Variants in CSMD1 observed in about 807,000 individuals in gnomAD.
CSMD1 encodes CUB and sushi domain-containing protein 1.
In CSMD1, 213 loss-of-function variants were observed where a neutral mutation model predicts 417.5. That is an observed-to-expected ratio of 0.51 (90% CI 0.46 to 0.57). CSMD1 has a LOEUF of 0.57. Ranked by LOEUF, CSMD1 falls within the 20% of genes least tolerant of loss-of-function variation. The pLI is 0.00. For synonymous variants in CSMD1, 2,862 were observed against 1,736.8 expected, an observed-to-expected ratio of 1.65 and a Z score of -16.11; for missense variants, 6,923 against 4,529.7, an observed-to-expected ratio of 1.53 and a Z score of -15.17.
chr8:3,105,212 C>A (rs1490059837), intron 46 of CSMD1, among the ~76,000 whole-genome samples: 2 of 152,198 alleles, frequency 1.3e-5, no homozygotes, highest in Admixed American at 1.3e-4. Context: ...TCTGTGTGCA[C>A]AGTGCAGGGA....
chr8:4,742,233 T>C (rs1810661776), intron 1 of CSMD1, among the ~76,000 whole-genome samples: 1 of 151,152 alleles, frequency 6.6e-6, no homozygotes. Context: ...GGTTTCACCT[T>C]GTTAGCCAGG....
intron 5 of CSMD1, among the ~76,000 whole-genome samples, chr8:3,798,942 A>G (rs1158918634): frequency 6.6e-6 from 1 of 152,064 alleles, no homozygotes; most frequent in African/African-American, 2.4e-5. Flanking sequence ...TCATATATAT[A>G]AAAACTCTTT....
chr8:3,529,957 C>A (rs1228829446), intron 10 of CSMD1, among the ~76,000 whole-genome samples: 1 of 152,212 alleles, frequency 6.6e-6, no homozygotes, highest in Middle Eastern at 3.4e-3. Context: ...AATAAATTTG[C>A]CCACGAAATG....
intron 3 of CSMD1, among the ~76,000 whole-genome samples, chr8:4,146,746 G>C (rs1045031915): frequency 2.0e-5 from 3 of 149,100 alleles, no homozygotes; most frequent in Non-Finnish European, 2.9e-5. Flanking sequence ...AGAGGAGCTG[G>C]GACTACAGGC....
rs149509652 is a variant in CSMD1 at position 3,324,406 on chromosome 8, C to G, written c.3632-15903G>C. Among the ~76,000 whole-genome samples the G allele has an allele frequency of 5.7e-3, 844 of 148,636 alleles. 6 individuals are homozygous for G. The highest frequency in any genetic ancestry group is 9.6e-3 in the Non-Finnish European group (649 of 67,466). On this transcript the variant is annotated intron_variant, in intron 23 of 69. Coordinates refer to ENST00000635120, the MANE Select transcript of CSMD1 (RefSeq NM_033225.6). Reference sequence around the variant, plus strand: ...GCGTTTCCTTCCCCCTACCTTTGGTCACTGTTAAAATAGGCCCACACCTAA... The same window carrying G: ...GCGTTTCCTTCCCCCTACCTTTGGTGACTGTTAAAATAGGCCCACACCTAA...
At chr8:3,919,037 A>T (rs974004524) in intron 5 of CSMD1, among the ~76,000 whole-genome samples, 3 of 152,026 alleles carry the variant, frequency 2.0e-5, no homozygotes, top group South Asian at 2.1e-4. Context: ...AAATATTTTT[A>T]AAAAATATGT....
rs75550024 is a variant in CSMD1, at chr8:2,984,012, T to C, written c.8378-5212A>G. Among the ~76,000 whole-genome samples, 652 of 152,334 alleles carry C rather than the reference T, an allele frequency of 4.3e-3. 1 individual carries two copies. The highest frequency in any genetic ancestry group is 7.3e-3 in the Non-Finnish European group (499 of 68,020). Reference sequence around the variant, plus strand: ...TGTTACAGTATGAACTGGTAACTCCTGTTCCCTGAGCAAATAGAAAACTGT... The same window carrying C: ...TGTTACAGTATGAACTGGTAACTCCCGTTCCCTGAGCAAATAGAAAACTGT... On this transcript the variant is annotated intron_variant, in intron 54 of 69. Coordinates refer to ENST00000635120, the MANE Select transcript of CSMD1 (RefSeq NM_033225.6).
chr8:3,848,301 C>T (rs1390578369), intron 5 of CSMD1, among the ~76,000 whole-genome samples: 5 of 152,094 alleles, frequency 3.3e-5, no homozygotes, highest in African/African-American at 1.2e-4. Context: ...CTACTGCGAT[C>T]CCACTAACAA....
At chr8:4,063,011 C>G (rs1485555914) in intron 3 of CSMD1, among the ~76,000 whole-genome samples, 1 of 151,930 alleles carries the variant, frequency 6.6e-6, no homozygotes, top group East Asian at 1.9e-4. Flanking sequence ...TTAAGAGATA[C>G]TGTTAGTTAC....
intron 3 of CSMD1, among the ~76,000 whole-genome samples, chr8:4,385,307 G>A (rs1046444068): frequency 2.6e-5 from 4 of 152,206 alleles, no homozygotes; most frequent in Non-Finnish European, 5.9e-5. Context: ...GTTAAACAAT[G>A]ATGTAGTCTG....
chr8:4,453,216 GACACAC>G lies in CSMD1; in HGVS notation c.303-33157_303-33152del, dbSNP rs71207090. Among the ~76,000 whole-genome samples, 636 of 149,196 alleles carry G rather than the reference GACACAC, an allele frequency of 4.3e-3. 4 individuals are homozygous for G. Among genetic ancestry groups the G allele is most frequent in the African/African-American group, 0.013 (542 of 40,318 alleles). ...ACACACCCACACAGACACACACAGA[GACACAC>G]ACACACACACACACACACACACTGA... is the stretch of plus-strand genomic sequence containing the variant. On this transcript the variant is annotated intron_variant, in intron 2 of 69. Coordinates refer to ENST00000635120, the MANE Select transcript of CSMD1 (RefSeq NM_033225.6).
At chr8:3,794,301 A>G (rs7830218) in intron 5 of CSMD1, among the ~76,000 whole-genome samples, 3,298 of 152,242 alleles carry the variant, frequency 0.022, 134 homozygotes, top group African/African-American at 0.074. Flanking sequence ...AGCGACTTCA[A>G]ACTGAAAACT....
At chr8:4,992,020 C>G (rs1811493867) in intron 1 of CSMD1, among the ~76,000 whole-genome samples, 1 of 152,306 alleles carries the variant, frequency 6.6e-6, no homozygotes, top group South Asian at 2.1e-4. Context: ...CTCTCCAGCT[C>G]CATGCACGCC....
rs767313238 is a variant in CSMD1, at chr8:3,151,456, G to C, written c.5972C>G (p.Pro1991Arg). 6.2e-7 allele frequency: 1 copy of C among 1,613,878 alleles called. No individual in the cohort carries two copies. The highest frequency in any genetic ancestry group is 1.7e-5 in the Admixed American group (1 of 60,002). ...GTCTAAGTTGTTGGGGTAAGAACCT[G>C]GGAAGCCGGGGCTCAGGATCACACC... is the stretch of plus-strand genomic sequence containing the variant. ...LGGVILSPGF[P>R]GSYPNNLDCT... Residue 1991 changes from proline to arginine, a missense_variant, in exon 40 of 70, where the codon CCA becomes CGA. By Grantham distance (103) the Pro-to-Arg change is moderately radical. Coordinates refer to ENST00000635120, the MANE Select transcript of CSMD1 (RefSeq NM_033225.6).
intron 5 of CSMD1, among the ~76,000 whole-genome samples, chr8:3,989,546 G>C (rs907981730): frequency 2.0e-5 from 3 of 152,156 alleles, no homozygotes; most frequent in Non-Finnish European, 4.4e-5. Flanking sequence ...ATCTATTTAT[G>C]ATGCAGTTCC....
At chr8:4,242,102 A>C (rs986341119) in intron 3 of CSMD1, among the ~76,000 whole-genome samples, 10 of 152,224 alleles carry the variant, frequency 6.6e-5, no homozygotes, top group Non-Finnish European at 1.5e-4. Context: ...CATCATCATG[A>C]ATTCTCAGAA....
At chr8:3,911,453 G>T (rs1036873712) in intron 5 of CSMD1, among the ~76,000 whole-genome samples, 1 of 151,560 alleles carries the variant, frequency 6.6e-6, no homozygotes, top group African/African-American at 2.4e-5. Context: ...GCGTGAACCC[G>T]CGAGGCGGAG....
intron 7 of CSMD1, among the ~76,000 whole-genome samples, chr8:3,680,806 C>T (rs538889492): frequency 9.2e-5 from 14 of 152,194 alleles, no homozygotes; most frequent in African/African-American, 2.6e-4. Flanking sequence ...ACTGGCAAAC[C>T]GAACTCAGCA....
chr8:4,004,742 T>C (rs1815970912), intron 4 of CSMD1, among the ~76,000 whole-genome samples: 1 of 152,130 alleles, frequency 6.6e-6, no homozygotes, highest in Non-Finnish European at 1.5e-5. Flanking sequence ...CTTTATTCTT[T>C]TTTTGTTTTG....
Sources: allele counts gnomAD v4.1 joint callset (sites outside exome capture counted in the v4.1 genomes callset), GRCh38; gene constraint gnomAD v4.1.1; transcripts MANE v1.5; gene names NCBI Gene and HGNC (gene_info 2026-07-23, HGNC 2026-07-21).